Variants in CALCRL observed in about 807,000 individuals in gnomAD.
CALCRL encodes the protein calcitonin gene-related peptide type 1 receptor.
Under a neutral mutation model 60.4 loss-of-function variants are expected in CALCRL, and 27 were observed. The ratio of observed to expected loss-of-function variants is 0.45; its 90% CI spans 0.33 to 0.62. The LOEUF is 0.62. CALCRL is among the 20% of genes least tolerant of loss of function. The probability of loss-of-function intolerance (pLI) is 0.03; values close to 1 mark genes in which losing one functional copy is unlikely to be tolerated. For synonymous variants in CALCRL, 190 were observed against 182.6 expected (o/e 1.04, Z -0.33); for missense variants, 424 against 540.7 (o/e 0.78, Z 2.14).
At chr2:187,420,376 G>C (rs1384181373) in intron 1 of CALCRL, among the ~76,000 whole-genome samples, 1 of 151,450 alleles carries the variant, frequency 6.6e-6, no homozygotes, top group Non-Finnish European at 1.5e-5. Flanking sequence ...CAAAGAATAG[G>C]AAAAACATTA....
chr2:187,371,892 G>GA (rs11394070), intron 8 of CALCRL, among the ~76,000 whole-genome samples: 6,308 of 152,106 alleles, frequency 0.041, 429 homozygotes, highest in African/African-American at 0.14. Flanking sequence ...TGTGATCTAA[G>GA]AAAAAATGAG....
intron 1 of CALCRL, among the ~76,000 whole-genome samples, chr2:187,412,721 A>G (rs1689420465): frequency 6.6e-6 from 1 of 152,210 alleles, no homozygotes; most frequent in African/African-American, 2.4e-5. Context: ...GTGAGAGTTG[A>G]ATCAAGCCTC....
At chr2:187,415,651 A>G in intron 1 of CALCRL, 1 of 619,770 alleles carries the variant, frequency 1.6e-6, no homozygotes, top group Non-Finnish European at 3.0e-6. Context: ...GGGCCCCCTC[A>G]AGGACATTCT....
intron 1 of CALCRL, among the ~76,000 whole-genome samples, chr2:187,403,067 G>A (rs1688962402): frequency 6.6e-6 from 1 of 151,598 alleles, no homozygotes; most frequent in African/African-American, 2.4e-5. Flanking sequence ...AACCATGCTG[G>A]CACCCTAATT....
At chr2:187,426,878 A>T (rs1359939895) in intron 1 of CALCRL, among the ~76,000 whole-genome samples, 1 of 152,150 alleles carries the variant, frequency 6.6e-6, no homozygotes, top group East Asian at 1.9e-4. Context: ...TTTGATATAT[A>T]TTTTGATTCA....
intron 8 of CALCRL, among the ~76,000 whole-genome samples, chr2:187,377,118 G>T (rs1186741530): frequency 1.3e-5 from 2 of 152,074 alleles, no homozygotes; most frequent in African/African-American, 4.8e-5. Context: ...TAATGATTTT[G>T]ATTTTATATT....
At chr2:187,362,147 T>C (rs1687082053) in intron 9 of CALCRL, among the ~76,000 whole-genome samples, 1 of 152,050 alleles carries the variant, frequency 6.6e-6, no homozygotes, top group Non-Finnish European at 1.5e-5. Flanking sequence ...AATATTTCTA[T>C]GCAGGGCATT....
intron 1 of CALCRL, among the ~76,000 whole-genome samples, chr2:187,446,322 A>C (rs1181631018): frequency 2.0e-5 from 3 of 151,850 alleles, no homozygotes; most frequent in Admixed American, 1.3e-4. Flanking sequence ...TCAAACTTCC[A>C]GTTATGTCCT....
intron 1 of CALCRL, among the ~76,000 whole-genome samples, chr2:187,395,429 C>G (rs1460704549): frequency 1.3e-5 from 2 of 152,168 alleles, no homozygotes; most frequent in East Asian, 3.9e-4. Context: ...TTTTACAAAG[C>G]TTACATTAAT....
In CALCRL at chr2:187,403,402, C is replaced by T. The variant is rs1688979799; in HGVS notation, c.-292-15646G>A. The stretch of plus-strand genomic sequence containing the variant: ...AAAATTGTCCAGGAGGGTTTTTCTG[C>T]ACAGTTCTGTAGATCAGCAAAGGAG... On this transcript the variant is annotated intron_variant, in intron 1 of 14. Coordinates refer to ENST00000392370, the MANE Select transcript of CALCRL (RefSeq NM_005795.6). Among the ~76,000 whole-genome samples the T allele has an allele frequency of 2.6e-5, 4 of 151,724 alleles. No homozygotes were observed. In the Admixed American group the frequency reaches 2.6e-4, roughly 10 times the overall value.
At chr2:187,364,754 C>G (rs534344789) in intron 8 of CALCRL, among the ~76,000 whole-genome samples, 3 of 152,166 alleles carry the variant, frequency 2.0e-5, no homozygotes, top group Non-Finnish European at 2.9e-5. Context: ...ATTAAAGAGC[C>G]TGGAGGCATA....
intron 1 of CALCRL, among the ~76,000 whole-genome samples, chr2:187,409,608 G>A (rs146272592): frequency 7.4e-4 from 113 of 152,328 alleles, no homozygotes; most frequent in African/African-American, 2.6e-3. Context: ...TTGGCTGGGT[G>A]TTGGGAAAAT....
intron 9 of CALCRL, 43 bp downstream of exon 9, chr2:187,363,333 C>T (rs376026503): frequency 1.3e-6 from 2 of 1,570,392 alleles, no homozygotes; most frequent in Non-Finnish European, 1.7e-6. Context: ...TCCCCCTTTC[C>T]CATTAGGCCC....
At position 187,342,168 on chromosome 2, in the gene CALCRL, T is replaced by C. The variant is rs1184037590; in HGVS notation, c.*4016A>G. Reference sequence around the variant, plus strand: ...GTCACATACTATATGATTACAATCATATGAAAGTCTAGAATAGGGAAATCT... The same window carrying C: ...GTCACATACTATATGATTACAATCACATGAAAGTCTAGAATAGGGAAATCT... On this transcript the variant is annotated 3_prime_UTR_variant, in exon 15 of 15. Coordinates refer to ENST00000392370, the MANE Select transcript of CALCRL (RefSeq NM_005795.6). Among the ~76,000 whole-genome samples, 2 of 151,780 alleles carry C rather than the reference T, an allele frequency of 1.3e-5. No homozygotes were observed. The highest frequency in any genetic ancestry group is 3.0e-5 in the Non-Finnish European group (2 of 67,756).
intron 1 of CALCRL, among the ~76,000 whole-genome samples, chr2:187,416,965 A>C (rs980541877): frequency 5.3e-5 from 8 of 152,090 alleles, no homozygotes; most frequent in Non-Finnish European, 1.5e-5. Context: ...AAATGCACTA[A>C]ATATCCTTTG....
chr2:187,419,602 C>T (rs540605055), intron 1 of CALCRL, among the ~76,000 whole-genome samples: 15 of 152,130 alleles, frequency 9.9e-5, no homozygotes, highest in East Asian at 9.6e-4. Flanking sequence ...GCAAAAATTT[C>T]GAAAATTTTA....
At chr2:187,384,679 T>G (rs962572917) in intron 4 of CALCRL, among the ~76,000 whole-genome samples, 1 of 152,130 alleles carries the variant, frequency 6.6e-6, no homozygotes, top group African/African-American at 2.4e-5. Flanking sequence ...TTTTTTTGTT[T>G]TTTGTTTTTT....
chr2:187,424,970 G>GT, intron 1 of CALCRL, among the ~76,000 whole-genome samples: 1 of 151,954 alleles, frequency 6.6e-6, no homozygotes, highest in South Asian at 2.1e-4. Context: ...AAAAAATAAA[G>GT]TTTTTTATAA....
intron 1 of CALCRL, among the ~76,000 whole-genome samples, chr2:187,425,590 T>C (rs1400734921): frequency 2.0e-5 from 3 of 151,990 alleles, no homozygotes; most frequent in African/African-American, 2.4e-5. Context: ...AAATGCATTG[T>C]ACAATGAAAA....
Sources: allele counts gnomAD v4.1 joint callset (sites outside exome capture counted in the v4.1 genomes callset), GRCh38; gene constraint gnomAD v4.1.1; transcripts MANE v1.5; gene names NCBI Gene and HGNC (gene_info 2026-07-23, HGNC 2026-07-21).